Variants in PTPRN2 observed in about 807,000 individuals in gnomAD.
PTPRN2 encodes the protein receptor-type tyrosine-protein phosphatase N2.
PTPRN2 carries 74 observed loss-of-function variants against 118.8 expected under a neutral mutation model. That is an observed-to-expected ratio of 0.62 (90% CI 0.52 to 0.76). The LOEUF (loss-of-function observed/expected upper bound fraction) is 0.76, where lower values mean the gene tolerates loss of function less well. Among genes scored for constraint, PTPRN2 ranks in the 30% least tolerant of loss-of-function variants. PTPRN2 has a pLI of 0.00. For synonymous variants in PTPRN2, 641 were observed against 608.0 expected (o/e 1.05, Z -0.80); for missense variants, 1,481 against 1,394.4 (o/e 1.06, Z -0.99).
At chr7:158,149,141 C>T (rs62480234) in intron 6 of PTPRN2, among the ~76,000 whole-genome samples, 6 of 146,876 alleles carry the variant, frequency 4.1e-5, no homozygotes, top group East Asian at 2.0e-4. Flanking sequence ...TCTCACGCCA[C>T]GTGTCTTTCC....
chr7:157,567,138 G>A (rs1799525993), intron 21 of PTPRN2, among the ~76,000 whole-genome samples: 1 of 152,210 alleles, frequency 6.6e-6, no homozygotes, highest in African/African-American at 2.4e-5. Flanking sequence ...TCCAATAGCT[G>A]TAAATTTGGA....
rs549655969 is a variant in PTPRN2, at chr7:157,679,776, T to C, written c.2001+2949A>G. On this transcript the variant is annotated intron_variant, in intron 13 of 22. Coordinates refer to ENST00000389418, the MANE Select transcript of PTPRN2 (RefSeq NM_002847.5). ...CATTATCAGGGCTGAGGCGGACAAA[T>C]GCTTTAGCAGAGGTTGGCAACATGA... Among the ~76,000 whole-genome samples the C allele has an allele frequency of 2.0e-5, 3 of 152,180 alleles. No homozygotes were observed. The East Asian group carries it at 5.8e-4, about 29-fold the overall frequency.
intron 2 of PTPRN2, among the ~76,000 whole-genome samples, chr7:158,423,539 A>T (rs1586639988): frequency 6.7e-6 from 1 of 148,244 alleles, no homozygotes. Context: ...CTGGTTCCTC[A>T]TTTTTTTTTT....
intron 11 of PTPRN2, among the ~76,000 whole-genome samples, chr7:158,031,389 G>A (rs1807677493): frequency 6.6e-6 from 1 of 152,136 alleles, no homozygotes; most frequent in African/African-American, 2.4e-5. Flanking sequence ...TCACCAGAGG[G>A]TGGAGCAACA....
intron 9 of PTPRN2, among the ~76,000 whole-genome samples, chr7:158,114,914 G>A (rs891994370): frequency 6.6e-6 from 1 of 152,170 alleles, no homozygotes. Flanking sequence ...AGGGGCAGGG[G>A]AGGCACGGAT....
intron 12 of PTPRN2, among the ~76,000 whole-genome samples, chr7:157,792,143 G>A (rs1804547635): frequency 6.6e-6 from 1 of 152,242 alleles, no homozygotes; most frequent in Admixed American, 6.5e-5. Flanking sequence ...GCTCAATCGA[G>A]TGACTCTTAC....
intron 2 of PTPRN2, among the ~76,000 whole-genome samples, chr7:158,451,355 A>G (rs1394279321): frequency 6.6e-6 from 1 of 152,080 alleles, no homozygotes; most frequent in Non-Finnish European, 1.5e-5. Context: ...CTTGATTTTA[A>G]TATAGTTGAA....
chr7:158,518,043 G>A (rs562687970), intron 1 of PTPRN2, among the ~76,000 whole-genome samples: 8 of 152,258 alleles, frequency 5.3e-5, no homozygotes, highest in Admixed American at 2.0e-4. Context: ...CCCAGCTCTC[G>A]CCAACTGCAT....
chr7:158,362,450 G>A (rs1202900508), intron 2 of PTPRN2, among the ~76,000 whole-genome samples: 1 of 152,214 alleles, frequency 6.6e-6, no homozygotes, highest in Non-Finnish European at 1.5e-5. Flanking sequence ...AAGGCAATGT[G>A]ACAATTCTGC....
intron 6 of PTPRN2, among the ~76,000 whole-genome samples, chr7:158,149,366 T>G (rs903363071): frequency 1.8e-4 from 27 of 152,002 alleles, no homozygotes; most frequent in African/African-American, 6.3e-4. Context: ...GACATAAACT[T>G]AAATCTAACC....
At chr7:158,333,833 C>A (rs1184358007) in intron 2 of PTPRN2, among the ~76,000 whole-genome samples, 2 of 141,694 alleles carry the variant, frequency 1.4e-5, no homozygotes, top group South Asian at 2.4e-4. Flanking sequence ...CACACCCACA[C>A]TCTCACCATA....
intron 13 of PTPRN2, among the ~76,000 whole-genome samples, chr7:157,665,560 G>A (rs966340471): frequency 6.6e-6 from 1 of 152,200 alleles, no homozygotes; most frequent in Non-Finnish European, 1.5e-5. Flanking sequence ...TCCCACCAGG[G>A]TGTGGATGAA....
chr7:158,270,435 A>G (rs918870186), intron 3 of PTPRN2, among the ~76,000 whole-genome samples: 6 of 152,174 alleles, frequency 3.9e-5, no homozygotes, highest in African/African-American at 9.6e-5. Flanking sequence ...GCAAGCTGCT[A>G]CCTTCACAGA....
At chr7:158,388,910 C>A (rs1042748231) in intron 2 of PTPRN2, among the ~76,000 whole-genome samples, 1 of 152,208 alleles carries the variant, frequency 6.6e-6, no homozygotes, top group Non-Finnish European at 1.5e-5. Context: ...TACAAAACTT[C>A]TTTTTCACCC....
Position 158,487,075 on chromosome 7 carries a change from G to A in PTPRN2, c.163+2660C>T, listed in dbSNP as rs188177750. 1.0e-3 allele frequency among the ~76,000 whole-genome samples: 157 copies of A among 152,336 alleles called. 1 individual carries two copies. The highest frequency in any genetic ancestry group is 3.7e-3 in the African/African-American group (152 of 41,570). On this transcript the variant is annotated intron_variant, in intron 2 of 22. Transcript: ENST00000389418. Reference sequence around the variant, plus strand: ...ATTTCACTCAGCATAACAGCCTCAAGCTCCCCCCATGTTTCAGCGAGTGTC... The same window carrying A: ...ATTTCACTCAGCATAACAGCCTCAAACTCCCCCCATGTTTCAGCGAGTGTC...
At chr7:158,402,136 G>A (rs1221589231) in intron 2 of PTPRN2, among the ~76,000 whole-genome samples, 2 of 152,156 alleles carry the variant, frequency 1.3e-5, no homozygotes, top group African/African-American at 4.8e-5. Context: ...AAACACACCT[G>A]GGAAAAGGGA....
chr7:157,613,826 C>T (rs1434681810), intron 15 of PTPRN2, among the ~76,000 whole-genome samples: 2 of 152,212 alleles, frequency 1.3e-5, no homozygotes, highest in Non-Finnish European at 2.9e-5. Context: ...GAGGGCACCC[C>T]GGGCCGCCGT....
chr7:158,387,311 C>T (rs1811476510), intron 2 of PTPRN2, among the ~76,000 whole-genome samples: 1 of 152,180 alleles, frequency 6.6e-6, no homozygotes. Context: ...ATCACATCTG[C>T]AAGCCAAATA....
chr7:158,110,689 C>T, intron 10 of PTPRN2, 140 bp downstream of exon 10: 1 of 773,688 alleles, frequency 1.3e-6, no homozygotes, highest in Non-Finnish European at 2.1e-6. Flanking sequence ...ACCAAAGCTG[C>T]TGAAATCACC....
Sources: gnomAD v4.1 joint callset for allele counts (sites outside exome capture counted in the v4.1 genomes callset) on GRCh38, gnomAD v4.1.1 for gene constraint, MANE v1.5 for transcripts, NCBI Gene and HGNC (gene_info 2026-07-23, HGNC 2026-07-21) for gene names.